Variants in LRP1B observed in about 807,000 individuals in gnomAD.
LRP1B encodes the protein low-density lipoprotein receptor-related protein 1B.
LRP1B carries 217 observed loss-of-function variants against 556.6 expected under a neutral mutation model. The ratio of observed to expected loss-of-function variants is 0.39; its 90% CI spans 0.35 to 0.44. The LOEUF is 0.44. Ranked by LOEUF, LRP1B falls within the 20% of genes least tolerant of loss-of-function variation. The probability of loss-of-function intolerance (pLI) is 1.00; values close to 1 mark genes in which losing one functional copy is unlikely to be tolerated. For missense variants in LRP1B, 5,053 were observed against 5,620.8 expected, an observed-to-expected ratio of 0.90 and a Z score of 3.23; for synonymous variants, 2,047 against 1,865.8, an observed-to-expected ratio of 1.10 and a Z score of -2.50.
chr2:140,526,155 T>A, intron 48 of LRP1B, 82 bp downstream of exon 48: 1 of 1,434,840 alleles, frequency 7.0e-7, no homozygotes. Flanking sequence ...TTGGACAAAG[T>A]TCAGTAAAAT....
intron 37 of LRP1B, among the ~76,000 whole-genome samples, chr2:140,712,886 T>G (rs1418734714): frequency 1.3e-5 from 2 of 152,062 alleles, no homozygotes; most frequent in East Asian, 3.9e-4. Flanking sequence ...TTCCCTTGAC[T>G]TTTACAGTTC....
chr2:142,129,266 G>A (rs1028587929), intron 1 of LRP1B, among the ~76,000 whole-genome samples: 1 of 152,160 alleles, frequency 6.6e-6, no homozygotes, highest in African/African-American at 2.4e-5. Context: ...AGTTGAGCAA[G>A]TTCAGAAGCT....
chr2:141,267,740 C>A (rs1329449363), intron 3 of LRP1B, among the ~76,000 whole-genome samples: 3 of 152,080 alleles, frequency 2.0e-5, no homozygotes, highest in Non-Finnish European at 2.9e-5. Flanking sequence ...AAGGGAATTT[C>A]TCTGTGCCTT....
chr2:141,198,704 A>C (rs1287307558), intron 6 of LRP1B, among the ~76,000 whole-genome samples: 1 of 152,092 alleles, frequency 6.6e-6, no homozygotes, highest in Non-Finnish European at 1.5e-5. Context: ...AATTTTATCT[A>C]CTATGGTAGA....
chr2:140,319,088 G>A (rs1199442375), intron 82 of LRP1B, among the ~76,000 whole-genome samples: 1 of 152,102 alleles, frequency 6.6e-6, no homozygotes, highest in East Asian at 1.9e-4. Flanking sequence ...CCTGTACTAG[G>A]TCATGTCCTT....
intron 3 of LRP1B, among the ~76,000 whole-genome samples, chr2:141,386,321 T>C (rs925510860): frequency 2.0e-5 from 3 of 152,106 alleles, no homozygotes; most frequent in Admixed American, 6.5e-5. Flanking sequence ...CTGTAATACA[T>C]ACAGAAAACA....
chr2:140,445,108 TTCTC>T (rs1050528745), intron 63 of LRP1B, among the ~76,000 whole-genome samples: 1 of 151,794 alleles, frequency 6.6e-6, no homozygotes, highest in Non-Finnish European at 1.5e-5. Flanking sequence ...ACAATACATA[TTCTC>T]TCTCTCTCTT....
chr2:141,799,075 C>T (rs998899155), intron 2 of LRP1B, among the ~76,000 whole-genome samples: 10 of 151,852 alleles, frequency 6.6e-5, no homozygotes, highest in Non-Finnish European at 1.2e-4. Context: ...TCCAGAACTA[C>T]GAGGATATAA....
At chr2:141,285,323 G>A (rs986938779) in intron 3 of LRP1B, among the ~76,000 whole-genome samples, 3 of 151,356 alleles carry the variant, frequency 2.0e-5, no homozygotes, top group South Asian at 4.2e-4. Flanking sequence ...TCCTGACCTC[G>A]TTTTCCACCC....
chr2:140,487,563 T>G (rs2105366378), intron 58 of LRP1B, 54 bp downstream of exon 58: 2 of 1,505,936 alleles, frequency 1.3e-6, no homozygotes, highest in Non-Finnish European at 1.8e-6. Context: ...TTCTATACAA[T>G]TCAATCATAC....
intron 3 of LRP1B, among the ~76,000 whole-genome samples, chr2:141,378,021 C>T: frequency 6.6e-6 from 1 of 152,166 alleles, no homozygotes; most frequent in Admixed American, 6.5e-5. Flanking sequence ...TAATGAACAA[C>T]ATGTGACTGA....
At chr2:142,067,575 C>T (rs914686519) in intron 1 of LRP1B, among the ~76,000 whole-genome samples, 5 of 151,534 alleles carry the variant, frequency 3.3e-5, no homozygotes, top group Non-Finnish European at 5.9e-5. Context: ...TCCATAATTT[C>T]ACAAAAGCAC....
chr2:140,755,182 C>T (rs933030227), intron 35 of LRP1B, among the ~76,000 whole-genome samples: 9 of 151,904 alleles, frequency 5.9e-5, no homozygotes, highest in Admixed American at 2.6e-4. Context: ...AAATCAAAAT[C>T]GAATCCCTCA....
chr2:141,679,011 C>T (rs1197997918), intron 2 of LRP1B, among the ~76,000 whole-genome samples: 2 of 152,150 alleles, frequency 1.3e-5, no homozygotes, highest in African/African-American at 2.4e-5. Context: ...TTCTCTTGCT[C>T]ATGCTTTCTA....
At chr2:140,547,200 AT>A (rs559683418) in intron 43 of LRP1B, among the ~76,000 whole-genome samples, 6 of 152,014 alleles carry the variant, frequency 3.9e-5, no homozygotes, top group African/African-American at 1.4e-4. Flanking sequence ...CTCCTCCTCA[AT>A]TTTTTTGTAC....
intron 59 of LRP1B, among the ~76,000 whole-genome samples, chr2:140,476,281 G>T (rs867854301): frequency 8.0e-5 from 12 of 150,678 alleles, no homozygotes; most frequent in African/African-American, 2.9e-4. Context: ...TTCCAACTCT[G>T]AAATTAAAAT....
At chr2:140,874,960 G>A (rs1156459337) in intron 25 of LRP1B, among the ~76,000 whole-genome samples, 1 of 151,678 alleles carries the variant, frequency 6.6e-6, no homozygotes, top group Non-Finnish European at 1.5e-5. Context: ...AGAGGTTGCA[G>A]TGAGCTGAGA....
chr2:140,756,072 A>C lies in LRP1B; in HGVS notation c.5758+13141T>G, dbSNP rs200146612. Among the ~76,000 whole-genome samples the C allele has an allele frequency of 7.2e-5, 11 of 152,160 alleles. No homozygotes were observed. The East Asian group carries it at 1.9e-3, about 27-fold the overall frequency. Reference sequence around the variant, plus strand: ...CAACACATTTATAATGAACTTGAAAAATAAAATTAAGAAAATTTCACTACA... The same window carrying C: ...CAACACATTTATAATGAACTTGAAACATAAAATTAAGAAAATTTCACTACA... On this transcript the variant is annotated intron_variant, in intron 35 of 90. Coordinates refer to ENST00000389484, the MANE Select transcript of LRP1B (RefSeq NM_018557.3).
intron 1 of LRP1B, among the ~76,000 whole-genome samples, chr2:141,872,972 A>C (rs932809359): frequency 6.6e-6 from 1 of 152,062 alleles, no homozygotes; most frequent in Non-Finnish European, 1.5e-5. Flanking sequence ...GTCCTTCCTG[A>C]GGAATCTGCT....
Sources: gnomAD v4.1 joint callset for allele counts (sites outside exome capture counted in the v4.1 genomes callset) on GRCh38, gnomAD v4.1.1 for gene constraint, MANE v1.5 for transcripts, NCBI Gene and HGNC (gene_info 2026-07-23, HGNC 2026-07-21) for gene names.